PRDM1: variants seen among roughly 807,000 people sequenced by gnomAD.
PRDM1 encodes PR domain zinc finger protein 1.
A neutral mutation model predicts 62.8 loss-of-function variants in PRDM1; 13 were observed. That is an observed-to-expected ratio of 0.21 (90% CI 0.13 to 0.33). PRDM1 has a LOEUF of 0.33. Among genes scored for constraint, PRDM1 ranks in the 10% least tolerant of loss-of-function variants. The pLI is 1.00. For missense variants in PRDM1, 895 were observed against 1,058.8 expected (o/e 0.85, Z 2.15); for synonymous variants, 396 against 417.6 (o/e 0.95, Z 0.63).
Position 106,105,709 on chromosome 6 carries a change from C to T in PRDM1, c.1549C>T (p.Pro517Ser). ...GGCCTGTAGCCCCACAAGCGGGTCT[C>T]CCACGGCGGGAACAGCCGCCACGGC... ...DKACSPTSGS[P>S]TAGTAATAEH... is the part of the protein sequence containing the mutation. Residue 517 changes from proline (P) to serine (S), a missense_variant, in exon 5 of 7, where the codon CCC becomes TCC. Pro to Ser is a moderately conservative substitution (Grantham distance 74). Around this residue, in one of 4 missense-constraint regions of PRDM1, gnomAD observed 444 missense variants for 422.7 expected, o/e 1.05. Coordinates refer to ENST00000369096, the MANE Select transcript of PRDM1 (RefSeq NM_001198.4). 6.2e-7 allele frequency: 1 copy of T among 1,613,972 alleles called. No homozygotes were observed.
chr6:106,039,597 G>C (rs1219570641), intron 1 of PRDM1, among the ~76,000 whole-genome samples: 2 of 151,978 alleles, frequency 1.3e-5, no homozygotes, highest in Non-Finnish European at 2.9e-5. Flanking sequence ...TTTTTTTATT[G>C]TTTTTATTTT....
At chr6:106,056,838 T>A (rs527256779) in intron 1 of PRDM1, among the ~76,000 whole-genome samples, 1 of 149,974 alleles carries the variant, frequency 6.7e-6, no homozygotes, top group African/African-American at 2.5e-5. Context: ...CTGAATAAGG[T>A]TTTGAAGCTC....
At chr6:106,104,474 G>A (rs1774382666) in intron 4 of PRDM1, among the ~76,000 whole-genome samples, 1 of 152,172 alleles carries the variant, frequency 6.6e-6, no homozygotes, top group Admixed American at 6.5e-5. Flanking sequence ...GCCTCCCAAA[G>A]TGCTGGGATT....
intron 2 of PRDM1, among the ~76,000 whole-genome samples, chr6:106,095,054 AACACACACAC>A (rs369840258): frequency 8.0e-5 from 12 of 149,816 alleles, no homozygotes; most frequent in Non-Finnish European, 1.6e-4. Context: ...AAAAAAAAAA[AACACACACAC>A]ACACACAAAC....
At chr6:106,032,112 T>C (rs1772851052) in intron 1 of PRDM1, among the ~76,000 whole-genome samples, 1 of 152,200 alleles carries the variant, frequency 6.6e-6, no homozygotes, top group African/African-American at 2.4e-5. Flanking sequence ...ATGAACATTT[T>C]CACATGAAAT....
At chr6:106,021,713 C>T (rs534621364) in intron 1 of PRDM1, among the ~76,000 whole-genome samples, 5 of 152,304 alleles carry the variant, frequency 3.3e-5, no homozygotes, top group South Asian at 2.1e-4. Flanking sequence ...CTCTGCCTCC[C>T]GGGTTCAATC....
In PRDM1 at chr6:106,107,609, C is replaced by G. The variant is rs1032157243; in HGVS notation, c.*123C>G. ...CTCTCTCGACAGCAAATGGTTTCCC[C>G]TCACCTCTGGAATTAAAGAAGGAAC... On this transcript the variant is annotated 3_prime_UTR_variant, in exon 7 of 7. Coordinates refer to ENST00000369096, the MANE Select transcript of PRDM1 (RefSeq NM_001198.4). 2.4e-6 allele frequency: 2 copies of G among 850,140 alleles called. No homozygotes were observed. Among genetic ancestry groups the G allele is most frequent in the Non-Finnish European group, 1.7e-6 (1 of 584,798 alleles). The allele number at this position is 850,140 out of a possible 1,614,324, so 52.7% of individuals were successfully genotyped here. A position where few individuals can be genotyped will look rare whatever the true frequency, so the allele number is the denominator to read the frequency against.
intron 2 of PRDM1, among the ~76,000 whole-genome samples, chr6:106,089,822 G>T (rs1357341081): frequency 6.6e-6 from 1 of 152,108 alleles, no homozygotes; most frequent in East Asian, 1.9e-4. Context: ...AAAGTGTAGT[G>T]TGTTTTTTCC....
At chr6:106,082,116 G>GAC (rs1773703712), upstream of PRDM1, among the ~76,000 whole-genome samples, 1 of 152,220 alleles carries the variant, frequency 6.6e-6, no homozygotes, top group Non-Finnish European at 1.5e-5. Context: ...CAAGAGATGA[G>GAC]TTTCAGAGTG....
Position 106,104,822 on chromosome 6 carries a change from C to T in PRDM1, c.665-3C>T, listed in dbSNP as rs1424127694. ...TGTAATCGCCCCTTTTTCTTTATTTCAGCACAAACACAGAGCAGTCTAAAG... is the reference window on the plus strand; with the variant it reads ...TGTAATCGCCCCTTTTTCTTTATTTTAGCACAAACACAGAGCAGTCTAAAG... On this transcript the variant is annotated splice_region_variant and splice_polypyrimidine_tract_variant and intron_variant, in intron 4 of 6. Coordinates refer to ENST00000369096, the MANE Select transcript of PRDM1 (RefSeq NM_001198.4). 6.2e-7 allele frequency: 1 copy of T among 1,600,914 alleles called. No homozygotes were observed. Among genetic ancestry groups the T allele is most frequent in the South Asian group, 1.1e-5 (1 of 89,492 alleles).
chr6:106,084,978 A>C (rs189189763), upstream of PRDM1, among the ~76,000 whole-genome samples: 13 of 152,328 alleles, frequency 8.5e-5, no homozygotes, highest in Non-Finnish European at 1.6e-4. Flanking sequence ...CTGGCAAATA[A>C]TCTTTTGCCT....
intron 1 of PRDM1, among the ~76,000 whole-genome samples, chr6:106,079,813 CA>C (rs202238972): frequency 9.9e-5 from 15 of 151,798 alleles, no homozygotes; most frequent in African/African-American, 2.9e-4. Flanking sequence ...AAACAAACAA[CA>C]AAAAAAACCC....
intron 1 of PRDM1, among the ~76,000 whole-genome samples, chr6:105,998,793 T>A (rs1772384321): frequency 6.6e-6 from 1 of 151,860 alleles, no homozygotes; most frequent in South Asian, 2.1e-4. Flanking sequence ...CCATTTATAG[T>A]TCTGCCTCTG....
Position 105,996,462 on chromosome 6 carries a change from G to A in PRDM1, c.-67+2823G>A, listed in dbSNP as rs138135863. Among the ~76,000 whole-genome samples the A allele has an allele frequency of 8.7e-4, 133 of 152,216 alleles. 3 individuals are homozygous for A. The highest frequency in any genetic ancestry group is 3.0e-3 in the African/African-American group (124 of 41,530). ...CATCATGACTTCTAAACTCTATATG[G>A]TGTGTTGAAGATTTGAAGATTTGTC... is the stretch of plus-strand genomic sequence containing the variant. On this transcript the variant is annotated intron_variant, in intron 1 of 6. Transcript: ENST00000652320.
chr6:106,022,091 G>C (rs1772702950), intron 1 of PRDM1, among the ~76,000 whole-genome samples: 1 of 152,154 alleles, frequency 6.6e-6, no homozygotes, highest in Non-Finnish European at 1.5e-5. Flanking sequence ...AAGCAAGAAA[G>C]AGCTTAAGAG....
At chr6:106,060,450 AC>A (rs1773329288) in intron 1 of PRDM1, among the ~76,000 whole-genome samples, 1 of 152,144 alleles carries the variant, frequency 6.6e-6, no homozygotes, top group Non-Finnish European at 1.5e-5. Flanking sequence ...TTGGGGAGAG[AC>A]TGAGATGAGA....
chr6:106,072,881 G>A (rs977997094), intron 1 of PRDM1, among the ~76,000 whole-genome samples: 2 of 152,172 alleles, frequency 1.3e-5, no homozygotes, highest in Non-Finnish European at 2.9e-5. Context: ...CCTGGAAGAC[G>A]TAGCCTATGT....
intron 1 of PRDM1, among the ~76,000 whole-genome samples, chr6:106,030,243 A>G (rs1772823608): frequency 6.6e-6 from 1 of 152,178 alleles, no homozygotes. Flanking sequence ...ATCATAGCTC[A>G]CTATAACTTC....
intron 1 of PRDM1, among the ~76,000 whole-genome samples, chr6:106,012,441 C>T (rs1772569542): frequency 6.6e-6 from 1 of 150,746 alleles, no homozygotes; most frequent in Non-Finnish European, 1.5e-5. Flanking sequence ...TACACACAAA[C>T]ATATCACATG....
Sources: allele counts gnomAD v4.1 joint callset (sites outside exome capture counted in the v4.1 genomes callset), GRCh38; gene constraint gnomAD v4.1.1; regional missense constraint gnomAD v4.1.1; transcripts MANE v1.5; gene names NCBI Gene and HGNC (gene_info 2026-07-23, HGNC 2026-07-21).